The following SHISA9 variants were observed in gnomAD, a reference collection of about 807,000 sequenced individuals.
SHISA9 encodes shisa family member 9, also known as protein shisa-9.
SHISA9 carries 13 observed loss-of-function variants against 38.0 expected under a neutral mutation model. That is an observed-to-expected ratio of 0.34 (90% CI 0.22 to 0.54). The LOEUF is 0.54. Ranked by LOEUF, SHISA9 falls within the 20% of genes least tolerant of loss-of-function variation. SHISA9 has a pLI of 0.91. For missense variants in SHISA9, 538 were observed against 575.8 expected (o/e 0.93, Z 0.67); for synonymous variants, 275 against 242.0 (o/e 1.14, Z -1.27).
chr16:13,551,425 A>G, the SHISA9 span, among the ~76,000 whole-genome samples: 1 of 152,350 alleles, frequency 6.6e-6, no homozygotes, highest in East Asian at 1.9e-4. Context: ...ACATGAGTAC[A>G]TGAATGGGTT....
At chr16:13,454,957 T>C in the SHISA9 span, among the ~76,000 whole-genome samples, 1 of 152,166 alleles carries the variant, frequency 6.6e-6, no homozygotes, top group Non-Finnish European at 1.5e-5. Context: ...TGGAATGCTA[T>C]CTGTGTCCTT....
intron 2 of SHISA9, among the ~76,000 whole-genome samples, chr16:13,197,228 C>T (rs891014427): frequency 6.6e-6 from 1 of 151,780 alleles, no homozygotes; most frequent in Non-Finnish European, 1.5e-5. Context: ...GGTGTGTGCT[C>T]GACAAAACAA....
intron 2 of SHISA9, among the ~76,000 whole-genome samples, chr16:13,115,415 A>C (rs1280555638): frequency 6.6e-6 from 1 of 152,258 alleles, no homozygotes; most frequent in Non-Finnish European, 1.5e-5. Context: ...CTTAAGGGAA[A>C]CGAAGGGATG....
At chr16:13,111,134 G>A (rs1437522526) in intron 2 of SHISA9, among the ~76,000 whole-genome samples, 1 of 152,112 alleles carries the variant, frequency 6.6e-6, no homozygotes, top group African/African-American at 2.4e-5. Flanking sequence ...ATAGGCATGG[G>A]TAAAGACTTC....
At chr16:12,951,261 A>G (rs1403138629) in intron 2 of SHISA9, among the ~76,000 whole-genome samples, 1 of 98,152 alleles carries the variant, frequency 1.0e-5, no homozygotes, top group Non-Finnish European at 2.6e-5. Flanking sequence ...GCAAAAAAGC[A>G]AAAAAAAAGA....
At chr16:13,540,191 G>A in the SHISA9 span, among the ~76,000 whole-genome samples, 1 of 96,348 alleles carries the variant, frequency 1.0e-5, no homozygotes, top group Non-Finnish European at 2.2e-5. Flanking sequence ...GTGCATACAT[G>A]CCCACACACA....
chr16:13,456,077 C>G, the SHISA9 span, among the ~76,000 whole-genome samples: 3 of 152,152 alleles, frequency 2.0e-5, no homozygotes, highest in African/African-American at 7.2e-5. Flanking sequence ...GAGAGACATA[C>G]ACTAAACAAA....
At chr16:13,244,414 G>C (rs182949399), downstream of SHISA9, among the ~76,000 whole-genome samples, 1 of 152,134 alleles carries the variant, frequency 6.6e-6, no homozygotes, top group Non-Finnish European at 1.5e-5. Context: ...AAGTGAAGAT[G>C]ACAAGGATGA....
intron 1 of SHISA9, chr16:12,909,879 C>T (rs1266668571): frequency 6.6e-6 from 1 of 152,180 alleles, no homozygotes; most frequent in South Asian, 2.1e-4. Flanking sequence ...TCCTTCGAGA[C>T]ACAGTCGTAC....
the SHISA9 span, among the ~76,000 whole-genome samples, chr16:13,527,281 C>T: frequency 6.6e-6 from 1 of 152,166 alleles, no homozygotes; most frequent in African/African-American, 2.4e-5. Flanking sequence ...TCTCCCTCAG[C>T]GTTTTTGGAG....
the SHISA9 span, among the ~76,000 whole-genome samples, chr16:13,352,729 A>T: frequency 8.5e-6 from 1 of 117,514 alleles, no homozygotes; most frequent in African/African-American, 3.7e-5. Context: ...GTTTTATAGG[A>T]TTTGGGTAGG....
chr16:13,430,534 G>A, the SHISA9 span, among the ~76,000 whole-genome samples: 1 of 152,046 alleles, frequency 6.6e-6, no homozygotes, highest in Non-Finnish European at 1.5e-5. Flanking sequence ...GTTTTCAGAC[G>A]TAATGTCTGC....
At chr16:13,027,883 C>T (rs2102111) in intron 2 of SHISA9, among the ~76,000 whole-genome samples, 88,827 of 144,628 alleles carry the variant, frequency 0.61, 27,785 homozygotes, top group Middle Eastern at 0.75. Context: ...GCCGAGACCA[C>T]GCCACTGCAC....
At chr16:13,169,845 G>A (rs940934474) in intron 2 of SHISA9, among the ~76,000 whole-genome samples, 2 of 152,112 alleles carry the variant, frequency 1.3e-5, no homozygotes, top group African/African-American at 4.8e-5. Flanking sequence ...GTTGCACTGG[G>A]TTTCTGGCTG....
chr16:12,948,874 G>A (rs967823753), intron 2 of SHISA9, among the ~76,000 whole-genome samples: 4 of 152,034 alleles, frequency 2.6e-5, no homozygotes, highest in African/African-American at 9.7e-5. Context: ...ATGCATTTTT[G>A]TCTTATTTTT....
At chr16:13,171,643 A>G (rs1478701009) in intron 2 of SHISA9, among the ~76,000 whole-genome samples, 1 of 152,060 alleles carries the variant, frequency 6.6e-6, no homozygotes, top group African/African-American at 2.4e-5. Context: ...TGGGGAAATG[A>G]AAGGAGACCA....
chr16:12,992,726 G>C (rs537962361), intron 2 of SHISA9, among the ~76,000 whole-genome samples: 11 of 152,174 alleles, frequency 7.2e-5, no homozygotes, highest in Non-Finnish European at 1.5e-4. Context: ...TGTAACTGTA[G>C]GGTTGACATG....
At chr16:13,243,585 T>C (rs2051450758), downstream of SHISA9, among the ~76,000 whole-genome samples, 1 of 152,172 alleles carries the variant, frequency 6.6e-6, no homozygotes. Context: ...ATCATGAAGA[T>C]GAAGCTTTTA....
chr16:13,464,091 C>T, the SHISA9 span, among the ~76,000 whole-genome samples: 1 of 152,224 alleles, frequency 6.6e-6, no homozygotes, highest in Non-Finnish European at 1.5e-5. Flanking sequence ...ATCTCTTAAG[C>T]TTTCCATGCC....
Sources: allele counts gnomAD v4.1 joint callset (sites outside exome capture counted in the v4.1 genomes callset), GRCh38; gene constraint gnomAD v4.1.1; transcripts MANE v1.5; gene names NCBI Gene and HGNC (gene_info 2026-07-23, HGNC 2026-07-21).